The following ANKLE1 variants were observed in gnomAD, a reference collection of about 807,000 sequenced individuals.
The protein encoded by ANKLE1 is structure-specific endonuclease ANKLE1.
Under a neutral mutation model 56.2 loss-of-function variants are expected in ANKLE1, and 59 were observed. That is an observed-to-expected ratio of 1.05 (90% CI 0.85 to 1.30). The LOEUF is 1.30. Among genes scored for constraint, ANKLE1 ranks in the 50% most tolerant of loss-of-function variants. ANKLE1 has a pLI of 0.00. For missense variants in ANKLE1, 771 were observed against 816.1 expected, an observed-to-expected ratio of 0.94 and a Z score of 0.67; for synonymous variants, 341 against 352.9, an observed-to-expected ratio of 0.97 and a Z score of 0.38.
At chr19:17,285,133 C>T (rs988686188) in intron 6 of ANKLE1, among the ~76,000 whole-genome samples, 1 of 152,012 alleles carries the variant, frequency 6.6e-6, no homozygotes, top group Non-Finnish European at 1.5e-5. Context: ...TTGGTGCATG[C>T]CTGTAATCCC....
At position 17,285,577 on chromosome 19, in the gene ANKLE1, G is replaced by T. The variant is rs748998458; in HGVS notation, c.1523G>T (p.Arg508Leu). 2 of 1,613,912 alleles carry T rather than the reference G, an allele frequency of 1.2e-6. No individual in the cohort carries two copies. Among genetic ancestry groups the T allele is most frequent in the Admixed American group, 1.7e-5 (1 of 60,004 alleles). Residue 508 changes from arginine (R) to leucine (L), a missense_variant, in exon 7 of 9, where the codon CGG (arginine) becomes CTG (leucine). Arg to Leu is a moderately radical substitution (Grantham distance 102). Transcript: ENST00000404085. ...TGGGAGGCCCTTGGTCACCATGGGC[G>T]GTCAAGAAAACAGGTGTGAGGACAG... ...HLWEALGHHG[R>L]SRKQPHQACP...
chr19:17,282,911 G>A lies in ANKLE1; in HGVS notation c.369G>A (p.Glu123=), dbSNP rs1287668596. ...LDLALQQGHL[E]CARVLQDLDT... ...TGGCCCTGCAGCAGGGACACCTGGA[G>A]TGCGCGCGAGTCCTGCAGGATCTCG... Residue 123 remains glutamate (E), a synonymous_variant, in exon 4 of 9, where the codon GAG becomes GAA. Coordinates refer to ENST00000404085, the MANE Select transcript of ANKLE1 (RefSeq NM_152363.6). 1.3e-6 allele frequency: 2 copies of A among 1,573,538 alleles called. No individual in the cohort carries two copies. Among genetic ancestry groups the A allele is most frequent in the African/African-American group, 1.3e-5 (1 of 74,424 alleles).
Position 17,283,475 on chromosome 19 carries a change from T to A in ANKLE1, c.711T>A (p.Thr237=). The A allele has an allele frequency of 6.2e-7, 1 of 1,612,546 alleles. No individual in the cohort carries two copies. Among genetic ancestry groups the A allele is most frequent in the Non-Finnish European group, 8.5e-7 (1 of 1,179,272 alleles). ...GAGCTGAGGACCCAGCCTCGGACAC[T>A]CCCCCCTGGGCTGGGTCATTGCCAC... ...VSGAEDPASD[T]PPWAGSLPPT... is the part of the protein sequence containing the mutation. The change falls in exon 5 of 9, where the codon ACT becomes ACA. Residue 237 remains threonine (T), a synonymous_variant. Transcript: ENST00000404085.
At chr19:17,286,053 G>A (rs1342495295) in intron 8 of ANKLE1, among the ~76,000 whole-genome samples, 1 of 152,142 alleles carries the variant, frequency 6.6e-6, no homozygotes, top group Non-Finnish European at 1.5e-5. Flanking sequence ...CTGTCGCCCA[G>A]GCTGGAGTGT....
chr19:17,283,356 G>A lies in ANKLE1; in HGVS notation c.592G>A (p.Glu198Lys). Residue 198 changes from glutamate (E) to lysine (K), a missense_variant, in exon 5 of 9, where the codon GAA becomes AAA. By Grantham distance (56) the Glu-to-Lys change is moderately conservative. Transcript: ENST00000404085. ...ACCCCCCAGCCTCCCTGTTCCCCTTGAAACTGTGGACAAACATGGGAGCTC... is the reference window on the plus strand; with the variant it reads ...ACCCCCCAGCCTCCCTGTTCCCCTTAAAACTGTGGACAAACATGGGAGCTC... ...PGPPSLPVPLETVDKHGSSAS... is the reference protein window; with the variant it reads ...PGPPSLPVPLKTVDKHGSSAS... The A allele has an allele frequency of 6.2e-7, 1 of 1,613,682 alleles. No individual in the cohort carries two copies. Among genetic ancestry groups the A allele is most frequent in the Non-Finnish European group, 8.5e-7 (1 of 1,179,892 alleles).
chr19:17,284,363 A>G (rs2074009357), intron 6 of ANKLE1, 97 bp downstream of exon 6: 5 of 1,199,196 alleles, frequency 4.2e-6, no homozygotes, highest in Non-Finnish European at 5.8e-6. Flanking sequence ...TGGCCCTAGA[A>G]TCATCAGCTG....
chr19:17,283,460 C>G lies in ANKLE1; in HGVS notation c.696C>G (p.Asp232Glu). Residue 232 changes from aspartate to glutamate, a missense_variant, in exon 5 of 9, where the codon GAC becomes GAG. Coordinates refer to ENST00000404085, the MANE Select transcript of ANKLE1 (RefSeq NM_152363.6). ...VTAVEVSGAE[D>E]PASDTPPWAG... Reference sequence around the variant, plus strand: ...CGGTTGAGGTCTCTGGAGCTGAGGACCCAGCCTCGGACACTCCCCCCTGGG... The same window carrying G: ...CGGTTGAGGTCTCTGGAGCTGAGGAGCCAGCCTCGGACACTCCCCCCTGGG... 1 of 1,613,066 alleles carries G rather than the reference C, an allele frequency of 6.2e-7. No homozygotes were observed. Among genetic ancestry groups the G allele is most frequent in the Non-Finnish European group, 8.5e-7 (1 of 1,179,500 alleles).
chr19:17,286,684 GTGTGTGTT>G lies in ANKLE1; in HGVS notation c.*140_*147del, dbSNP rs772310239. ...TGTGTGTGTGTGTGTGTGTGTGTGT[GTGTGTGTT>G]TGTGTGTGTGTGTGTGTGTGTAGGG... is the stretch of plus-strand genomic sequence containing the variant. On this transcript the variant is annotated 3_prime_UTR_variant, in exon 9 of 9. Transcript: ENST00000404085. 0.02 allele frequency: 19,740 copies of G among 989,960 alleles called. 65 individuals are homozygous for G. The highest frequency in any genetic ancestry group is 0.03 in the African/African-American group (1,240 of 41,108). 61.3% of individuals were successfully genotyped at this position (989,960 alleles called of 1,614,324 possible).
intron 1 of ANKLE1, 27 bp from the exon 2 acceptor site, chr19:17,282,030 G>T (rs973420826): frequency 7.7e-5 from 119 of 1,536,848 alleles, no homozygotes; most frequent in Non-Finnish European, 9.6e-5. Context: ...CTTTGGCCGG[G>T]GTCCACTCTG....
In ANKLE1 at chr19:17,285,486, C is replaced by G; in HGVS notation, c.1432C>G (p.Gln478Glu). Residue 478 changes from glutamine (Q) to glutamate (E), a missense_variant, in exon 7 of 9, where the codon CAG (glutamine) becomes GAG (glutamate). Transcript: ENST00000404085. Reference protein sequence around the residue: ...AFSLTPAERLQTFIRAIFYVG... With the variant: ...AFSLTPAERLETFIRAIFYVG... ...CTCACTGACCCCAGCTGAGCGCCTT[C>G]AGACTTTCATCCGTGCCATCTTCTA... 6.2e-7 allele frequency: 1 copy of G among 1,613,926 alleles called. No individual in the cohort carries two copies. The highest frequency in any genetic ancestry group is 8.5e-7 in the Non-Finnish European group (1 of 1,179,890).
chr19:17,286,529 C>G lies in ANKLE1; in HGVS notation c.1825C>G (p.Gln609Glu), dbSNP rs2074032939. The change falls in exon 9 of 9, where the codon CAG becomes GAG. Residue 609 changes from glutamine (Q) to glutamate (E), a missense_variant. By Grantham distance (29) the Gln-to-Glu change is conservative. Coordinates refer to ENST00000404085, the MANE Select transcript of ANKLE1 (RefSeq NM_152363.6). ...TGAAGGCGAGCGACAGCTTCATCCC[C>G]AGGACATCCAGGCCCGGGGCTGAGT... ...LAEGERQLHP[Q>E]DIQARG 7 of 1,609,130 alleles carry G rather than the reference C, an allele frequency of 4.4e-6. No individual in the cohort carries two copies. Among genetic ancestry groups the G allele is most frequent in the Non-Finnish European group, 4.2e-6 (5 of 1,178,304 alleles).
In ANKLE1 at chr19:17,286,855, T is replaced by A; in HGVS notation, c.*303T>A. 1 of 1,191,534 alleles carries A rather than the reference T, an allele frequency of 8.4e-7. No homozygotes were observed. 73.8% of individuals were successfully genotyped at this position (1,191,534 alleles called of 1,614,324 possible). ...CAGAAGGTGCTTTGGAACAGTCCGG[T>A]GCTTCTGTAAGAGGCGTTTGAACCT... On this transcript the variant is annotated 3_prime_UTR_variant, in exon 9 of 9. Transcript: ENST00000404085.
chr19:17,285,905 C>A, intron 8 of ANKLE1, 86 bp downstream of exon 8: 4 of 1,534,306 alleles, frequency 2.6e-6, no homozygotes, highest in Non-Finnish European at 3.5e-6. Flanking sequence ...GAGGGGTGTT[C>A]ATTTGTTGAC....
intron 8 of ANKLE1, 30 bp from the exon 9 acceptor site, chr19:17,286,350 C>G: frequency 6.5e-7 from 1 of 1,528,268 alleles, no homozygotes. Flanking sequence ...CCCATGGCTG[C>G]CCCTGTGACC....
At chr19:17,284,876 A>G (rs1372083499) in intron 6 of ANKLE1, among the ~76,000 whole-genome samples, 1 of 151,284 alleles carries the variant, frequency 6.6e-6, no homozygotes, top group African/African-American at 2.4e-5. Context: ...TTTAGTAGAT[A>G]TGGAGTTTCA....
chr19:17,285,354 T>C (rs2074019407), intron 6 of ANKLE1, 77 bp from the exon 7 acceptor site: 3 of 1,565,736 alleles, frequency 1.9e-6, no homozygotes, highest in Non-Finnish European at 1.7e-6. Flanking sequence ...GGGTTCAAGA[T>C]ATGTTGTGAC....
chr19:17,281,908 A>C lies in ANKLE1; in HGVS notation c.-13A>C. 1 of 1,535,244 alleles carries C rather than the reference A, an allele frequency of 6.5e-7. No homozygotes were observed. The highest frequency in any genetic ancestry group is 8.7e-7 in the Non-Finnish European group (1 of 1,146,336). On this transcript the variant is annotated 5_prime_UTR_variant, in exon 1 of 9. Transcript: ENST00000404085. ...CGACCGACCAGGCGGTGCGCTTCGG[A>C]CCCAGCCAGGGCATGTGCTCGGAGG...
chr19:17,284,037 C>T, intron 5 of ANKLE1, 52 bp from the exon 6 acceptor site: 2 of 1,604,846 alleles, frequency 1.2e-6, no homozygotes, highest in Non-Finnish European at 1.7e-6. Context: ...CTCAGCCCCA[C>T]TTTCCTCCCC....
Position 17,283,314 on chromosome 19 carries a change from T to C in ANKLE1, c.550T>C (p.Leu184=). Residue 184 remains leucine, a synonymous_variant, in exon 5 of 9, where the codon TTG becomes CTG. Coordinates refer to ENST00000404085, the MANE Select transcript of ANKLE1 (RefSeq NM_152363.6). ...PCRGDNRDIG[L]EADPGPPSLP... is the part of the protein sequence containing the mutation. ...CAGAGGTGACAACAGGGACATTGGC[T>C]TGGAGGCTGACCCAGGACCCCCCAG... 6.2e-7 allele frequency: 1 copy of C among 1,613,562 alleles called. No individual in the cohort carries two copies. Among genetic ancestry groups the C allele is most frequent in the East Asian group, 2.2e-5 (1 of 44,868 alleles).
Sources: allele counts gnomAD v4.1 joint callset (sites outside exome capture counted in the v4.1 genomes callset), GRCh38; gene constraint gnomAD v4.1.1; transcripts MANE v1.5; gene names NCBI Gene and HGNC (gene_info 2026-07-23, HGNC 2026-07-21).